The following ZNF544 variants were observed in gnomAD, a reference collection of about 807,000 sequenced individuals.
The protein encoded by ZNF544 is zinc finger protein AF020591.
Under a neutral mutation model 13.5 loss-of-function variants are expected in ZNF544, and 10 were observed. The observed-to-expected ratio is 0.74, with a 90% CI of 0.46 to 1.25. ZNF544 has a LOEUF of 1.25. Ranked by LOEUF, ZNF544 falls within the 50% of genes most tolerant of loss-of-function variation. The pLI is 0.00. For synonymous variants in ZNF544, 323 were observed against 300.5 expected (o/e 1.07, Z -0.77); for missense variants, 896 against 845.6 (o/e 1.06, Z -0.74).
chr19:58,237,529 G>T (rs978558356), intron 3 of ZNF544, among the ~76,000 whole-genome samples: 8 of 152,208 alleles, frequency 5.3e-5, no homozygotes, highest in Non-Finnish European at 1.2e-4. Flanking sequence ...CTGGAGGGCG[G>T]CTCACCTCAC....
At chr19:58,277,028 A>G (rs950469989) in intron 6 of ZNF544, among the ~76,000 whole-genome samples, 1 of 152,216 alleles carries the variant, frequency 6.6e-6, no homozygotes. Context: ...TTAGGGATCT[A>G]CCTGCTTAAA....
In ZNF544 at chr19:58,261,088, T is replaced by G; in HGVS notation, c.482T>G (p.Leu161Arg). The G allele has an allele frequency of 6.2e-7, 1 of 1,614,192 alleles. No individual in the cohort carries two copies. The highest frequency in any genetic ancestry group is 1.3e-5 in the African/African-American group (1 of 75,056). ...FAQREHCELE[L>R]GGGYSLPSTL... ...CAAAGGGAACATTGTGAGCTTGAAC[T>G]TGGGGGAGGTTATTCTCTACCTTCT... is the stretch of plus-strand genomic sequence containing the variant. The change falls in exon 7 of 7, where the codon CTT becomes CGT. Residue 161 changes from leucine to arginine, a missense_variant. Physicochemically the swap from Leu to Arg is moderately radical, Grantham distance 102. Transcript: ENST00000687789.
chr19:58,247,992 C>T (rs1201516261), intron 6 of ZNF544, among the ~76,000 whole-genome samples: 1 of 151,924 alleles, frequency 6.6e-6, no homozygotes, highest in East Asian at 1.9e-4. Flanking sequence ...CAGCTCACTG[C>T]AACCTCCGCC....
chr19:58,242,704 T>G (rs558885323), intron 3 of ZNF544, among the ~76,000 whole-genome samples: 84 of 152,122 alleles, frequency 5.5e-4, no homozygotes, highest in African/African-American at 2.0e-3. Flanking sequence ...TTGTTTTGTT[T>G]TGTTTTGTTT....
At chr19:58,254,764 A>C (rs780374356) in intron 6 of ZNF544, among the ~76,000 whole-genome samples, 1 of 152,154 alleles carries the variant, frequency 6.6e-6, no homozygotes, top group Non-Finnish European at 1.5e-5. Flanking sequence ...GGAGGTTCTG[A>C]AACATTGCAG....
intron 3 of ZNF544, among the ~76,000 whole-genome samples, chr19:58,238,865 TAAAAAA>T (rs112124516): frequency 7.5e-6 from 1 of 132,452 alleles, no homozygotes; most frequent in Non-Finnish European, 1.6e-5. Flanking sequence ...TAAGTCACGG[TAAAAAA>T]AAAAAAAAAA....
intron 6 of ZNF544, 149 bp downstream of exon 6, chr19:58,246,943 T>C (rs995638752): frequency 1.6e-6 from 1 of 628,166 alleles, no homozygotes; most frequent in African/African-American, 1.8e-5. Context: ...TCAAAGGAGT[T>C]CACCAATTCG....
intron 6 of ZNF544, chr19:58,247,499 A>T (rs2045498718): frequency 6.6e-6 from 1 of 152,106 alleles, no homozygotes; most frequent in Non-Finnish European, 1.5e-5. Context: ...TGACCTCATG[A>T]TCCGCCCGCC....
intron 6 of ZNF544, among the ~76,000 whole-genome samples, chr19:58,252,914 G>A (rs1340675113): frequency 6.6e-6 from 1 of 152,194 alleles, no homozygotes; most frequent in African/African-American, 2.4e-5. Flanking sequence ...CTGACTCCCT[G>A]GTTCAAGCAA....
In ZNF544 at chr19:58,257,079, G is replaced by GC. The variant is rs2047618204; in HGVS notation, c.245-3769dup. 3.3e-5 allele frequency among the ~76,000 whole-genome samples: 5 copies of GC among 152,112 alleles called. No homozygotes were observed. In the South Asian group the frequency reaches 1.0e-3, roughly 32 times the overall value. On this transcript the variant is annotated intron_variant, in intron 6 of 6. Coordinates refer to ENST00000687789, the MANE Select transcript of ZNF544 (RefSeq NM_014480.4). ...TGGGACTACAGGCACCCACCACCAC[G>GC]CCCGTCTAATTTTTTGTATTTTTAT...
At chr19:58,241,259 G>A (rs915101594) in intron 3 of ZNF544, among the ~76,000 whole-genome samples, 1 of 136,914 alleles carries the variant, frequency 7.3e-6, no homozygotes, top group Non-Finnish European at 1.6e-5. Flanking sequence ...CGATGCTTCC[G>A]CCTTGGCCTC....
At chr19:58,243,565 C>T (rs777392313) in intron 3 of ZNF544, among the ~76,000 whole-genome samples, 3 of 151,904 alleles carry the variant, frequency 2.0e-5, no homozygotes, top group Non-Finnish European at 4.4e-5. Context: ...AAGTTCCCTG[C>T]GCCGCCCTGC....
chr19:58,232,346 CTTTTTTTTTTT>C (rs71190011), intron 3 of ZNF544, among the ~76,000 whole-genome samples: 1 of 75,232 alleles, frequency 1.3e-5, no homozygotes, highest in Non-Finnish European at 2.4e-5. Context: ...ACAATTTTAT[CTTTTTTTTTTT>C]TTTTTTTTTT....
chr19:58,266,397 C>T (rs1179748927), downstream of ZNF544, among the ~76,000 whole-genome samples: 1 of 151,020 alleles, frequency 6.6e-6, no homozygotes, highest in African/African-American at 2.4e-5. Flanking sequence ...TGCCTGTAGT[C>T]CCAGCTACGA....
At chr19:58,229,125 G>A (rs942635019) in intron 1 of ZNF544, 179 bp downstream of exon 1, 7 of 152,408 alleles carry the variant, frequency 4.6e-5, no homozygotes, top group African/African-American at 1.7e-4. Context: ...ATGGGATCGG[G>A]ATCTCTCCGG....
intron 6 of ZNF544, among the ~76,000 whole-genome samples, chr19:58,257,108 A>G (rs2147481495): frequency 6.6e-6 from 1 of 152,198 alleles, no homozygotes; most frequent in Non-Finnish European, 1.5e-5. Context: ...TTTTTATTAG[A>G]GACGGGTTTT....
At chr19:58,257,429 T>C (rs1233035894) in intron 6 of ZNF544, 1 of 152,166 alleles carries the variant, frequency 6.6e-6, no homozygotes, top group African/African-American at 2.4e-5. Context: ...CCCTATGAAA[T>C]AGTGGCCCAT....
downstream of ZNF544, among the ~76,000 whole-genome samples, chr19:58,267,390 C>T (rs750919904): frequency 5.3e-5 from 8 of 150,842 alleles, no homozygotes; most frequent in Admixed American, 2.6e-4. Flanking sequence ...ATTTTGTTAA[C>T]GTAAAAGTGA....
intron 3 of ZNF544, among the ~76,000 whole-genome samples, chr19:58,237,930 G>A (rs868670380): frequency 9.8e-5 from 15 of 152,310 alleles, no homozygotes; most frequent in Non-Finnish European, 1.8e-4. Flanking sequence ...ACGTCACAAG[G>A]TCTGTGGGGA....
Sources: gnomAD v4.1 joint callset for allele counts (sites outside exome capture counted in the v4.1 genomes callset) on GRCh38, gnomAD v4.1.1 for gene constraint, MANE v1.5 for transcripts, NCBI Gene and HGNC (gene_info 2026-07-23, HGNC 2026-07-21) for gene names.